LRRTM4: variants seen among roughly 807,000 people sequenced by gnomAD.
LRRTM4 encodes the protein leucine-rich repeat transmembrane neuronal protein 4.
Under a neutral mutation model 47.6 loss-of-function variants are expected in LRRTM4, and 25 were observed. The ratio of observed to expected loss-of-function variants is 0.53; its 90% confidence interval spans 0.38 to 0.73. The LOEUF (loss-of-function observed/expected upper bound fraction) is 0.73, where lower values mean the gene tolerates loss of function less well. LRRTM4 is among the 30% of genes least tolerant of loss of function. The probability of loss-of-function intolerance (pLI) is 0.00; values close to 1 mark genes in which losing one functional copy is unlikely to be tolerated. For missense variants in LRRTM4, 638 were observed against 713.4 expected (o/e 0.89, Z 1.20); for synonymous variants, 311 against 269.5 (o/e 1.15, Z -1.51).
intron 3 of LRRTM4, among the ~76,000 whole-genome samples, chr2:77,319,953 G>A (rs1210399213): frequency 6.6e-6 from 1 of 152,168 alleles, no homozygotes; most frequent in Non-Finnish European, 1.5e-5. Flanking sequence ...TCACTTAGAA[G>A]TTAAACTACT....
At chr2:76,762,296 T>C (rs1357006796) in intron 3 of LRRTM4, among the ~76,000 whole-genome samples, 1 of 152,194 alleles carries the variant, frequency 6.6e-6, no homozygotes, top group Admixed American at 6.5e-5. Flanking sequence ...CACGCTGTAC[T>C]TTGTTATTTT....
intron 3 of LRRTM4, among the ~76,000 whole-genome samples, chr2:77,371,190 A>G (rs1672643757): frequency 6.6e-6 from 1 of 151,828 alleles, no homozygotes; most frequent in Non-Finnish European, 1.5e-5. Flanking sequence ...AAGATACTCA[A>G]TAACGAATAT....
At position 76,967,258 on chromosome 2, in the gene LRRTM4, C is replaced by G. The variant is rs189826038; in HGVS notation, c.1552-218342G>C. ...TCCAGACACCTCCCTGAGTTTCATG[C>G]TCAATCAGTCAGAAAGTGCTAGAAA... On this transcript the variant is annotated intron_variant, in intron 3 of 3. Transcript: ENST00000409884. 6.0e-5 allele frequency among the ~76,000 whole-genome samples: 9 copies of G among 150,942 alleles called. No homozygotes were observed. In the East Asian group the frequency reaches 1.4e-3, roughly 23 times the overall value.
intron 3 of LRRTM4, among the ~76,000 whole-genome samples, chr2:77,364,718 C>T (rs1028679655): frequency 4.0e-5 from 6 of 151,880 alleles, no homozygotes; most frequent in Admixed American, 2.6e-4. Flanking sequence ...AAATCCATTC[C>T]GATAAATACT....
At chr2:77,066,945 C>T (rs1679975847) in intron 3 of LRRTM4, among the ~76,000 whole-genome samples, 1 of 152,164 alleles carries the variant, frequency 6.6e-6, no homozygotes, top group Non-Finnish European at 1.5e-5. Flanking sequence ...GATCACAAAC[C>T]TAATATCTTT....
In LRRTM4 at chr2:76,748,903, A is replaced by G. The variant is rs369038674; in HGVS notation, c.1565T>C (p.Met522Thr). The G allele has an allele frequency of 1.4e-5, 22 of 1,613,790 alleles. No individual in the cohort carries two copies. The highest frequency in any genetic ancestry group is 1.8e-5 in the Non-Finnish European group (21 of 1,179,832). The change falls in exon 4 of 4, where the codon ATG (methionine) becomes ACG (threonine). Residue 522 changes from methionine to threonine, a missense_variant. Coordinates refer to ENST00000409884, the MANE Select transcript of LRRTM4 (RefSeq NM_001134745.3). ...GSRECEMPHH[M>T]KPLPYYSYDQ... The stretch of plus-strand genomic sequence containing the variant: ...ATAGCTGTAATATGGCAAGGGCTTC[A>G]TGTGGTGTGGCATCTGGATATGAGA...
chr2:77,362,184 A>G (rs1488036408), intron 3 of LRRTM4, among the ~76,000 whole-genome samples: 1 of 151,948 alleles, frequency 6.6e-6, no homozygotes, highest in Non-Finnish European at 1.5e-5. Context: ...GAAGGAAGGA[A>G]GAGTTCTTAA....
rs200689063 is a variant in LRRTM4 at position 77,384,235 on chromosome 2, T to TA, written c.1551+134082dup. ...TTAGGTAGATAAAGTTTTTTTTTTT[T>TA]AAAAATTCACTAAACACAACATATA... On this transcript the variant is annotated intron_variant, in intron 3 of 3. Coordinates refer to ENST00000409884, the MANE Select transcript of LRRTM4 (RefSeq NM_001134745.3). Among the ~76,000 whole-genome samples the TA allele has an allele frequency of 2.3e-4, 35 of 151,138 alleles. 2 individuals carry two copies. The South Asian group carries it at 4.0e-3, about 17-fold the overall frequency.
chr2:77,316,642 GATTCAA>G (rs1677627027), intron 3 of LRRTM4, among the ~76,000 whole-genome samples: 2 of 151,760 alleles, frequency 1.3e-5, no homozygotes, highest in South Asian at 4.2e-4. Flanking sequence ...CTGCCTCCTA[GATTCAA>G]GCGGTCCTCC....
intron 3 of LRRTM4, among the ~76,000 whole-genome samples, chr2:77,236,955 G>A (rs1327859903): frequency 6.6e-6 from 1 of 151,702 alleles, no homozygotes; most frequent in African/African-American, 2.4e-5. Context: ...TTGTGTTTTT[G>A]TTTATCAGGG....
intron 3 of LRRTM4, among the ~76,000 whole-genome samples, chr2:77,132,192 CT>C (rs1671820518): frequency 6.6e-6 from 1 of 152,248 alleles, no homozygotes; most frequent in Admixed American, 6.5e-5. Context: ...TACTCCCTAC[CT>C]TCATAAAATC....
chr2:77,035,714 G>A (rs1199214081), intron 3 of LRRTM4, among the ~76,000 whole-genome samples: 1 of 151,688 alleles, frequency 6.6e-6, no homozygotes, highest in South Asian at 2.1e-4. Context: ...TGCATCAATA[G>A]TCCCTTTTAT....
Position 77,393,852 on chromosome 2 carries a change from TA to T in LRRTM4, c.1551+124465del, listed in dbSNP as rs1049208970. Among the ~76,000 whole-genome samples the T allele has an allele frequency of 2.4e-4, 37 of 152,102 alleles. 1 individual carries two copies. Among genetic ancestry groups the T allele is most frequent in the African/African-American group, 7.9e-4 (33 of 41,544 alleles). On this transcript the variant is annotated intron_variant, in intron 3 of 3. Transcript: ENST00000409884. ...GTACATTGGAGATTAGTGTATTTCT[TA>T]AGAGTCCAGGGTTGCCAGATTTACA... is the stretch of plus-strand genomic sequence containing the variant.
At chr2:77,431,956 C>A (rs1675395815) in intron 3 of LRRTM4, among the ~76,000 whole-genome samples, 1 of 152,126 alleles carries the variant, frequency 6.6e-6, no homozygotes, top group African/African-American at 2.4e-5. Flanking sequence ...TGCCTGTAGT[C>A]CCAGCTACTT....
chr2:77,237,785 C>T (rs1263203340), intron 3 of LRRTM4, among the ~76,000 whole-genome samples: 1 of 152,130 alleles, frequency 6.6e-6, no homozygotes. Flanking sequence ...TCATTCCTTA[C>T]TATACAAAAG....
intron 3 of LRRTM4, among the ~76,000 whole-genome samples, chr2:77,295,747 T>C (rs1440083239): frequency 6.6e-6 from 1 of 152,162 alleles, no homozygotes; most frequent in African/African-American, 2.4e-5. Context: ...GTTGTCTTTC[T>C]TCTCTATTTG....
intron 3 of LRRTM4, among the ~76,000 whole-genome samples, chr2:76,798,146 C>A (rs1675453203): frequency 6.6e-6 from 1 of 152,110 alleles, no homozygotes; most frequent in African/African-American, 2.4e-5. Flanking sequence ...ACACAATATA[C>A]ATTTTTTTCA....
At chr2:77,054,543 G>C (rs1306169924) in intron 3 of LRRTM4, among the ~76,000 whole-genome samples, 1 of 152,110 alleles carries the variant, frequency 6.6e-6, no homozygotes, top group African/African-American at 2.4e-5. Context: ...AGGGTAAATG[G>C]AGTAAACATA....
At chr2:77,522,058 T>C in intron 1 of LRRTM4, 51 bp downstream of exon 1, 1 of 714,088 alleles carries the variant, frequency 1.4e-6, no homozygotes. Flanking sequence ...ATCTCGGAGG[T>C]AACCAACTTC....
Sources: allele counts gnomAD v4.1 joint callset (sites outside exome capture counted in the v4.1 genomes callset), GRCh38; gene constraint gnomAD v4.1.1; transcripts MANE v1.5; gene names NCBI Gene and HGNC (gene_info 2026-07-23, HGNC 2026-07-21).